Variants in PDE1A observed in about 807,000 individuals in gnomAD.
The protein encoded by PDE1A is phosphodiesterase 1A.
In PDE1A, 35 loss-of-function variants were observed where a neutral mutation model predicts 61.7. The ratio of observed to expected loss-of-function variants is 0.57; its 90% CI spans 0.43 to 0.75. The LOEUF (loss-of-function observed/expected upper bound fraction) is 0.75, where lower values mean the gene tolerates loss of function less well. Among genes scored for constraint, PDE1A ranks in the 30% least tolerant of loss-of-function variants. PDE1A has a pLI of 0.00. For missense variants in PDE1A, 597 were observed against 630.6 expected, an observed-to-expected ratio of 0.95 and a Z score of 0.57; for synonymous variants, 232 against 213.2, an observed-to-expected ratio of 1.09 and a Z score of -0.77.
At chr2:182,340,177 G>A (rs1452262957) in intron 1 of PDE1A, among the ~76,000 whole-genome samples, 5 of 152,124 alleles carry the variant, frequency 3.3e-5, no homozygotes. Context: ...TAAGCAAATG[G>A]CTGCTTTTAA....
chr2:182,525,486 C>G (rs532915275), upstream of PDE1A, among the ~76,000 whole-genome samples: 10 of 152,068 alleles, frequency 6.6e-5, no homozygotes, highest in Admixed American at 2.0e-4. Flanking sequence ...AAATATAAGC[C>G]CCAGTTCTAG....
chr2:182,162,141 A>G (rs1691416779), intron 13 of PDE1A, among the ~76,000 whole-genome samples: 1 of 152,182 alleles, frequency 6.6e-6, no homozygotes, highest in Non-Finnish European at 1.5e-5. Flanking sequence ...ATCCTTAAAG[A>G]TCTCTGTGAT....
chr2:182,572,449 ATCAC>A, the PDE1A span, among the ~76,000 whole-genome samples: 1 of 152,206 alleles, frequency 6.6e-6, no homozygotes, highest in Admixed American at 6.5e-5. Flanking sequence ...GTTACCTTAA[ATCAC>A]AATCACTATA....
At chr2:182,231,033 A>T (rs1390424085) in exon 5 of PDE1A, 1 of 1,578,830 alleles carries the variant, frequency 6.3e-7, no homozygotes, top group East Asian at 2.3e-5. Flanking sequence ...GGTTGATAAG[A>T]TCATATCTGG....
intron 1 of PDE1A, among the ~76,000 whole-genome samples, chr2:182,276,815 C>T (rs1029092770): frequency 1.3e-5 from 2 of 152,054 alleles, no homozygotes; most frequent in Middle Eastern, 3.4e-3. Context: ...GAAAGGAATG[C>T]ATTCGTTGGG....
chr2:182,522,221 T>C, intron 2 of PDE1A: 1 of 1,442,946 alleles, frequency 6.9e-7, no homozygotes, highest in Non-Finnish European at 9.7e-7. Flanking sequence ...CAACAATTAG[T>C]CACGTTAATA....
intron 1 of PDE1A, among the ~76,000 whole-genome samples, chr2:182,401,312 G>A (rs1574559405): frequency 1.3e-5 from 2 of 152,164 alleles, no homozygotes; most frequent in African/African-American, 2.4e-5. Flanking sequence ...ACGTCAAAAA[G>A]CTTATCCAAC....
chr2:182,643,145 G>T, the PDE1A span, among the ~76,000 whole-genome samples: 1 of 152,154 alleles, frequency 6.6e-6, no homozygotes, highest in Non-Finnish European at 1.5e-5. Flanking sequence ...TGGTCGTCAG[G>T]ATCCTGAGTC....
the PDE1A span, among the ~76,000 whole-genome samples, chr2:182,627,636 C>G: frequency 2.0e-5 from 3 of 151,266 alleles, no homozygotes; most frequent in African/African-American, 7.3e-5. Flanking sequence ...ACATCTGCAG[C>G]TGAAAGTTAA....
At chr2:182,156,458 T>G (rs535343816) in intron 13 of PDE1A, among the ~76,000 whole-genome samples, 1 of 152,222 alleles carries the variant, frequency 6.6e-6, no homozygotes, top group South Asian at 2.1e-4. Flanking sequence ...GGTAACATGG[T>G]GCTAAGGCTC....
chr2:182,385,619 CAGAAAGAA>C (rs200380585), intron 1 of PDE1A, among the ~76,000 whole-genome samples: 430 of 38,742 alleles, frequency 0.011, 2 homozygotes, highest in Non-Finnish European at 0.016. Flanking sequence ...ATGAAAGAAA[CAGAAAGAA>C]AGAAAGAAAG....
chr2:182,534,731 C>CTCATCAT, the PDE1A span, among the ~76,000 whole-genome samples: 1 of 151,090 alleles, frequency 6.6e-6, no homozygotes, highest in Admixed American at 6.6e-5. Context: ...TACCTTTTTT[C>CTCATCAT]TCATCATTTG....
the PDE1A span, among the ~76,000 whole-genome samples, chr2:182,566,598 A>G: frequency 6.6e-6 from 1 of 151,966 alleles, no homozygotes; most frequent in Non-Finnish European, 1.5e-5. Flanking sequence ...CTCAAGATGT[A>G]GTTTCATGCA....
intron 2 of PDE1A, among the ~76,000 whole-genome samples, chr2:182,515,876 A>G (rs914850461): frequency 6.6e-6 from 1 of 152,092 alleles, no homozygotes; most frequent in Non-Finnish European, 1.5e-5. Flanking sequence ...ATGGCTAAGA[A>G]TAAAGAGTAT....
chr2:182,701,102 T>A, the PDE1A span, among the ~76,000 whole-genome samples: 1 of 152,014 alleles, frequency 6.6e-6, no homozygotes, highest in Non-Finnish European at 1.5e-5. Flanking sequence ...TGGCGCGATC[T>A]CAGCTCACTG....
chr2:182,335,379 A>C (rs1473590163), intron 1 of PDE1A, among the ~76,000 whole-genome samples: 1 of 152,224 alleles, frequency 6.6e-6, no homozygotes, highest in African/African-American at 2.4e-5. Flanking sequence ...CTACAAGGTT[A>C]CAGTAACCAA....
At chr2:182,692,187 G>A in the PDE1A span, among the ~76,000 whole-genome samples, 1 of 152,006 alleles carries the variant, frequency 6.6e-6, no homozygotes, top group African/African-American at 2.4e-5. Context: ...TGTACCCAAA[G>A]GAATATAAAT....
At chr2:182,218,616 T>C (rs1443163026) in intron 7 of PDE1A, among the ~76,000 whole-genome samples, 1 of 152,134 alleles carries the variant, frequency 6.6e-6, no homozygotes, top group Non-Finnish European at 1.5e-5. Flanking sequence ...AGATATTCTT[T>C]ATCAAGTTAA....
intron 2 of PDE1A, among the ~76,000 whole-genome samples, chr2:182,249,027 T>C (rs541686847): frequency 6.6e-6 from 1 of 152,332 alleles, no homozygotes; most frequent in African/African-American, 2.4e-5. Context: ...TTAATAAGTT[T>C]CATAAAAGAC....
Sources: gnomAD v4.1 joint callset for allele counts (sites outside exome capture counted in the v4.1 genomes callset) on GRCh38, gnomAD v4.1.1 for gene constraint, MANE v1.5 for transcripts, NCBI Gene and HGNC (gene_info 2026-07-23, HGNC 2026-07-21) for gene names.